RBMS3: variants seen among roughly 807,000 people sequenced by gnomAD.
The protein encoded by RBMS3 is RNA-binding motif, single-stranded-interacting protein 3.
A neutral mutation model predicts 66.8 loss-of-function variants in RBMS3; 27 were observed. The observed-to-expected ratio is 0.40, with a 90% CI of 0.30 to 0.56. RBMS3 has a LOEUF of 0.56. RBMS3 is among the 20% of genes least tolerant of loss of function. The pLI, the probability that RBMS3 is intolerant of heterozygous loss-of-function variation, is 0.40. For missense variants in RBMS3, 513 were observed against 549.5 expected, an observed-to-expected ratio of 0.93 and a Z score of 0.66; for synonymous variants, 188 against 183.0, an observed-to-expected ratio of 1.03 and a Z score of -0.22.
intron 4 of RBMS3, chr3:29,615,947 C>CT (rs1267104299): frequency 7.2e-5 from 11 of 152,084 alleles, no homozygotes; most frequent in Admixed American, 1.3e-4. Flanking sequence ...GCTATGTAGA[C>CT]TTTTTAATTT....
At chr3:29,589,694 T>A (rs2047659335) in intron 4 of RBMS3, among the ~76,000 whole-genome samples, 1 of 152,076 alleles carries the variant, frequency 6.6e-6, no homozygotes, top group African/African-American at 2.4e-5. Context: ...TAACTATTAT[T>A]TATTATCATA....
chr3:29,442,548 G>A (rs2041666667), intron 2 of RBMS3, among the ~76,000 whole-genome samples: 1 of 152,114 alleles, frequency 6.6e-6, no homozygotes. Context: ...AGATGGAGAT[G>A]TAAAAAGATG....
intron 6 of RBMS3, among the ~76,000 whole-genome samples, chr3:29,847,341 A>T (rs888798450): frequency 1.3e-5 from 2 of 152,196 alleles, no homozygotes; most frequent in African/African-American, 4.8e-5. Flanking sequence ...CAAGTTCTGG[A>T]ATCTTTCTTT....
intron 1 of RBMS3, among the ~76,000 whole-genome samples, chr3:29,312,553 T>G (rs2034443149): frequency 2.0e-5 from 3 of 151,906 alleles, no homozygotes; most frequent in African/African-American, 7.2e-5. Flanking sequence ...TCATTCTTTC[T>G]GAACTCTTGC....
chr3:29,811,098 T>C (rs2057716742), intron 6 of RBMS3, among the ~76,000 whole-genome samples: 1 of 152,076 alleles, frequency 6.6e-6, no homozygotes, highest in South Asian at 2.1e-4. Context: ...GTGGTACTGG[T>C]GTTGGGGTAA....
intron 4 of RBMS3, among the ~76,000 whole-genome samples, chr3:29,717,953 A>G (rs534409287): frequency 6.6e-6 from 1 of 152,088 alleles, no homozygotes; most frequent in East Asian, 1.9e-4. Context: ...TTGTGAAGAG[A>G]CCTATTGTCA....
chr3:29,893,884 A>G (rs1311261146), intron 8 of RBMS3, among the ~76,000 whole-genome samples: 1 of 151,470 alleles, frequency 6.6e-6, no homozygotes, highest in Non-Finnish European at 1.5e-5. Flanking sequence ...GGTAATCACT[A>G]CTGAATTCCA....
intron 6 of RBMS3, among the ~76,000 whole-genome samples, chr3:29,845,508 G>T (rs1194292353): frequency 6.6e-6 from 1 of 152,152 alleles, no homozygotes; most frequent in Non-Finnish European, 1.5e-5. Flanking sequence ...TTATAACAGT[G>T]TTGAGATTTC....
At chr3:29,995,121 A>C (rs1219728657) in intron 14 of RBMS3, among the ~76,000 whole-genome samples, 2 of 152,262 alleles carry the variant, frequency 1.3e-5, no homozygotes, top group Non-Finnish European at 2.9e-5. Context: ...AACTACGTGA[A>C]GAATGCAGAA....
At chr3:29,505,847 G>A (rs1337158926) in intron 3 of RBMS3, among the ~76,000 whole-genome samples, 2 of 151,408 alleles carry the variant, frequency 1.3e-5, no homozygotes, top group East Asian at 3.9e-4. Flanking sequence ...GATGGTAAAT[G>A]GGATTTTAAA....
At chr3:29,833,212 G>T (rs7646540) in intron 6 of RBMS3, among the ~76,000 whole-genome samples, 1 of 151,992 alleles carries the variant, frequency 6.6e-6, no homozygotes, top group South Asian at 2.1e-4. Context: ...GGAGATAACT[G>T]CTTCTTCAAA....
chr3:29,720,074 T>C (rs1559603411), intron 4 of RBMS3, among the ~76,000 whole-genome samples: 1 of 151,586 alleles, frequency 6.6e-6, no homozygotes, highest in Non-Finnish European at 1.5e-5. Context: ...GGCCCCTGCC[T>C]ACCTTTCCAA....
chr3:29,432,306 G>A (rs1342380659), intron 1 of RBMS3, among the ~76,000 whole-genome samples: 3 of 152,118 alleles, frequency 2.0e-5, no homozygotes, highest in African/African-American at 7.2e-5. Flanking sequence ...TGAAAGATAT[G>A]GGGTAATTGT....
chr3:29,769,758 A>T (rs2056115831), intron 6 of RBMS3, among the ~76,000 whole-genome samples: 1 of 151,928 alleles, frequency 6.6e-6, no homozygotes, highest in Non-Finnish European at 1.5e-5. Context: ...TTAAATGACA[A>T]TCATACATAT....
intron 10 of RBMS3, among the ~76,000 whole-genome samples, chr3:29,910,194 T>TG (rs2060482259): frequency 6.6e-6 from 1 of 152,102 alleles, no homozygotes; most frequent in African/African-American, 2.4e-5. Flanking sequence ...ATAAAGTCCT[T>TG]GTCAGACTTT....
intron 1 of RBMS3, among the ~76,000 whole-genome samples, chr3:29,305,319 A>G (rs1318650521): frequency 2.0e-5 from 3 of 151,922 alleles, no homozygotes; most frequent in African/African-American, 7.2e-5. Flanking sequence ...CTTGTTTGCT[A>G]ATTGCCTTCC....
At chr3:29,951,236 GA>G (rs1559831362) in intron 12 of RBMS3, among the ~76,000 whole-genome samples, 2 of 151,872 alleles carry the variant, frequency 1.3e-5, no homozygotes, top group Non-Finnish European at 2.9e-5. Flanking sequence ...AGGACAAAAT[GA>G]AAGACGATTT....
chr3:30,003,967 TTTG>T lies in RBMS3; in HGVS notation c.*120_*122del, dbSNP rs200049589. The stretch of plus-strand genomic sequence containing the variant: ...CACAGACGTCAATGGAATGCATTTT[TTTG>T]TTGTTGTTGTTGTTTTTTTTTTAGT... On this transcript the variant is annotated 3_prime_UTR_variant, in exon 15 of 15. Transcript: ENST00000383767. 1.2e-3 allele frequency: 1,186 copies of T among 1,024,878 alleles called. 9 individuals carry two copies. The highest frequency in any genetic ancestry group is 0.011 in the African/African-American group (680 of 60,634). 63.5% of individuals were successfully genotyped at this position (1,024,878 alleles called of 1,614,324 possible).
intron 12 of RBMS3, among the ~76,000 whole-genome samples, chr3:29,955,911 T>C (rs1696008658): frequency 6.6e-6 from 1 of 152,110 alleles, no homozygotes; most frequent in Non-Finnish European, 1.5e-5. Context: ...CTTCACCTGA[T>C]TTTTCTCACT....
Sources: allele counts gnomAD v4.1 joint callset (sites outside exome capture counted in the v4.1 genomes callset), GRCh38; gene constraint gnomAD v4.1.1; transcripts MANE v1.5; gene names NCBI Gene and HGNC (gene_info 2026-07-23, HGNC 2026-07-21).